The following PRKG1 variants were observed in gnomAD, a reference collection of about 807,000 sequenced individuals.
PRKG1 encodes protein kinase cGMP-dependent 1.
PRKG1 carries 35 observed loss-of-function variants against 88.1 expected under a neutral mutation model. The observed-to-expected ratio is 0.40, with a 90% CI of 0.30 to 0.53. The LOEUF (loss-of-function observed/expected upper bound fraction) is 0.53, where lower values mean the gene tolerates loss of function less well. PRKG1 is among the 20% of genes least tolerant of loss of function. The pLI is 0.59. For missense variants in PRKG1, 540 were observed against 839.8 expected (o/e 0.64, Z 4.41); for synonymous variants, 303 against 292.5 (o/e 1.04, Z -0.37).
chr10:51,450,867 G>A (rs1203768723), intron 2 of PRKG1, among the ~76,000 whole-genome samples: 1 of 151,366 alleles, frequency 6.6e-6, no homozygotes, highest in Admixed American at 6.6e-5. Context: ...AAAAAAAGAT[G>A]CCCCTCATTG....
chr10:51,973,075 C>T (rs1191311924), intron 5 of PRKG1, among the ~76,000 whole-genome samples: 1 of 152,114 alleles, frequency 6.6e-6, no homozygotes, highest in Non-Finnish European at 1.5e-5. Context: ...CAGGATCAGC[C>T]CAAGATTCAA....
chr10:51,848,581 G>GAGACAGAA (rs1468489254), intron 4 of PRKG1, among the ~76,000 whole-genome samples: 5 of 151,966 alleles, frequency 3.3e-5, no homozygotes, highest in African/African-American at 1.2e-4. Context: ...TTATTTCCTA[G>GAGACAGAA]AGACAGAAGA....
chr10:51,963,151 A>C (rs796553305), intron 5 of PRKG1, among the ~76,000 whole-genome samples: 78 of 152,322 alleles, frequency 5.1e-4, no homozygotes, highest in African/African-American at 1.6e-3. Flanking sequence ...AAAATTTGAT[A>C]ATGAATGTGT....
intron 4 of PRKG1, among the ~76,000 whole-genome samples, chr10:51,821,412 TAG>T: frequency 6.6e-6 from 1 of 152,232 alleles, no homozygotes; most frequent in South Asian, 2.1e-4. Context: ...ATAACTTTTA[TAG>T]ATAGTGCTAT....
chr10:51,669,193 G>A (rs1418183821), intron 3 of PRKG1, among the ~76,000 whole-genome samples: 1 of 152,156 alleles, frequency 6.6e-6, no homozygotes, highest in Non-Finnish European at 1.5e-5. Flanking sequence ...TTAAACAACA[G>A]CCATTTATTT....
At chr10:51,176,715 A>G (rs1225172527) in intron 2 of PRKG1, among the ~76,000 whole-genome samples, 1 of 152,146 alleles carries the variant, frequency 6.6e-6, no homozygotes, top group Non-Finnish European at 1.5e-5. Context: ...TCATTTGGCC[A>G]GGTGACAGAC....
At chr10:51,388,074 T>A (rs1414471223) in intron 2 of PRKG1, among the ~76,000 whole-genome samples, 2 of 152,216 alleles carry the variant, frequency 1.3e-5, no homozygotes, top group Non-Finnish European at 2.9e-5. Flanking sequence ...GTTGAAGAAA[T>A]GATGTGGTAT....
At chr10:52,019,122 A>G (rs1329024552) in intron 5 of PRKG1, among the ~76,000 whole-genome samples, 3 of 152,118 alleles carry the variant, frequency 2.0e-5, no homozygotes, top group Non-Finnish European at 4.4e-5. Context: ...ACCAGGCTCT[A>G]TATAACAACC....
intron 4 of PRKG1, among the ~76,000 whole-genome samples, chr10:51,876,655 T>G (rs1841307881): frequency 6.6e-6 from 1 of 152,208 alleles, no homozygotes; most frequent in South Asian, 2.1e-4. Context: ...TTTCTTACCA[T>G]TTGAGACTCC....
chr10:51,664,897 C>T (rs566616024), intron 3 of PRKG1, among the ~76,000 whole-genome samples: 8 of 152,160 alleles, frequency 5.3e-5, no homozygotes, highest in Non-Finnish European at 7.4e-5. Flanking sequence ...TAATCAGCAA[C>T]GGCTTGGGGA....
At chr10:51,000,037 T>G (rs572254248) in intron 1 of PRKG1, among the ~76,000 whole-genome samples, 1 of 152,306 alleles carries the variant, frequency 6.6e-6, no homozygotes, top group South Asian at 2.1e-4. Flanking sequence ...TAAAACCAGT[T>G]CACACTCCAT....
intron 3 of PRKG1, among the ~76,000 whole-genome samples, chr10:51,665,587 C>A (rs1840402894): frequency 6.6e-6 from 1 of 152,048 alleles, no homozygotes; most frequent in African/African-American, 2.4e-5. Flanking sequence ...CATTTTAAGA[C>A]AACATGTTTA....
intron 2 of PRKG1, among the ~76,000 whole-genome samples, chr10:51,219,708 T>C (rs1191245648): frequency 6.7e-6 from 1 of 149,812 alleles, no homozygotes; most frequent in East Asian, 2.0e-4. Flanking sequence ...AGACTCCATC[T>C]CAAAAAAAAA....
At chr10:51,870,374 A>G (rs1456727928) in intron 4 of PRKG1, among the ~76,000 whole-genome samples, 4 of 151,944 alleles carry the variant, frequency 2.6e-5, no homozygotes, top group African/African-American at 9.7e-5. Flanking sequence ...TGTGATAAAT[A>G]TCCTCTGTTT....
At chr10:51,185,543 A>C (rs59014714) in intron 2 of PRKG1, among the ~76,000 whole-genome samples, 8,083 of 152,080 alleles carry the variant, frequency 0.053, 403 homozygotes, top group African/African-American at 0.13. Context: ...AACTTAAAAT[A>C]TTTTAAAATT....
chr10:51,080,108 G>A (rs569716833), intron 1 of PRKG1, among the ~76,000 whole-genome samples: 53 of 152,252 alleles, frequency 3.5e-4, no homozygotes, highest in African/African-American at 1.0e-3. Flanking sequence ...TTGTTAATTT[G>A]ACATTACAGT....
intron 3 of PRKG1, among the ~76,000 whole-genome samples, chr10:51,728,461 T>TG (rs113455569): frequency 0.48 from 68,017 of 141,026 alleles, 16,734 homozygotes; most frequent in Middle Eastern, 0.62. Flanking sequence ...TTGTTTTTTT[T>TG]TTTTTTTTTT....
Position 52,179,717 on chromosome 10 carries a change from C to G in PRKG1, c.1076+17754C>G, listed in dbSNP as rs148499434. Among the ~76,000 whole-genome samples, 792 of 152,232 alleles carry G rather than the reference C, an allele frequency of 5.2e-3. 7 individuals carry two copies. Among genetic ancestry groups the G allele is most frequent in the South Asian group, 6.9e-3 (33 of 4,814 alleles). On this transcript the variant is annotated intron_variant, in intron 9 of 17. Transcript: ENST00000373980. ...CTGTTGTTTTTGTTTGAGATAGAGT[C>G]TTGCACTCTCACCTGGGCTGGAGTG...
chr10:50,994,813 GAAA>G (rs35386826), intron 1 of PRKG1, among the ~76,000 whole-genome samples: 1 of 143,622 alleles, frequency 7.0e-6, no homozygotes. Context: ...AACTATTCAG[GAAA>G]AAAAAAAAAA....
Sources: gnomAD v4.1 joint callset for allele counts (sites outside exome capture counted in the v4.1 genomes callset) on GRCh38, gnomAD v4.1.1 for gene constraint, MANE v1.5 for transcripts, NCBI Gene and HGNC (gene_info 2026-07-23, HGNC 2026-07-21) for gene names.